Variants in CHCHD6 observed in about 807,000 individuals in gnomAD.
The protein encoded by CHCHD6 is MICOS complex subunit MIC25.
A neutral mutation model predicts 32.3 loss-of-function variants in CHCHD6; 28 were observed. That is an observed-to-expected ratio of 0.87 (90% CI 0.64 to 1.19). The LOEUF (loss-of-function observed/expected upper bound fraction) is 1.19. Ranked by LOEUF, CHCHD6 falls within the 50% of genes most tolerant of loss-of-function variation. The pLI is 0.00. For synonymous variants in CHCHD6, 122 were observed against 117.5 expected, an observed-to-expected ratio of 1.04 and a Z score of -0.25; for missense variants, 333 against 307.0, an observed-to-expected ratio of 1.08 and a Z score of -0.63.
intron 4 of CHCHD6, among the ~76,000 whole-genome samples, chr3:126,815,682 T>A (rs1414833454): frequency 2.9e-5 from 4 of 139,256 alleles, no homozygotes; most frequent in Non-Finnish European, 3.1e-5. Flanking sequence ...CCTTGCTCCC[T>A]TGAGCTCCTT....
At chr3:126,838,625 C>T (rs758605533) in intron 4 of CHCHD6, among the ~76,000 whole-genome samples, 65 of 152,270 alleles carry the variant, frequency 4.3e-4, no homozygotes, top group Non-Finnish European at 6.8e-4. Flanking sequence ...AAGGGAGGGA[C>T]GGATTCTTGG....
intron 5 of CHCHD6, among the ~76,000 whole-genome samples, chr3:126,892,572 G>A (rs901792417): frequency 1.3e-5 from 2 of 152,136 alleles, no homozygotes; most frequent in African/African-American, 2.4e-5. Context: ...CCCTCCTGGG[G>A]CACACAGGTC....
At chr3:126,910,799 A>G (rs1390706535) in intron 5 of CHCHD6, among the ~76,000 whole-genome samples, 3 of 152,136 alleles carry the variant, frequency 2.0e-5, no homozygotes, top group Non-Finnish European at 4.4e-5. Context: ...CTGAGGATCA[A>G]TGGAAAGATG....
intron 4 of CHCHD6, among the ~76,000 whole-genome samples, chr3:126,806,030 C>T (rs1939357838): frequency 6.6e-6 from 1 of 152,184 alleles, no homozygotes; most frequent in African/African-American, 2.4e-5. Context: ...CCCTTCCTTA[C>T]ACCTTATACA....
chr3:126,907,976 A>G (rs1036503277), intron 5 of CHCHD6, among the ~76,000 whole-genome samples: 7 of 152,180 alleles, frequency 4.6e-5, no homozygotes, highest in African/African-American at 1.2e-4. Context: ...TGTGACACCC[A>G]GAGTAGGACC....
At chr3:126,830,567 T>C (rs1940597446) in intron 4 of CHCHD6, among the ~76,000 whole-genome samples, 1 of 152,200 alleles carries the variant, frequency 6.6e-6, no homozygotes. Flanking sequence ...TCACCTTTCT[T>C]TGGGGTAGAA....
At chr3:126,754,840 T>G (rs1467305440) in intron 4 of CHCHD6, among the ~76,000 whole-genome samples, 1 of 152,216 alleles carries the variant, frequency 6.6e-6, no homozygotes, top group Non-Finnish European at 1.5e-5. Flanking sequence ...CCTTTGGTGC[T>G]TTGGCCTTTG....
intron 1 of CHCHD6, among the ~76,000 whole-genome samples, chr3:126,721,968 A>G (rs1576337517): frequency 6.6e-6 from 1 of 152,182 alleles, no homozygotes; most frequent in African/African-American, 2.4e-5. Context: ...GTATAGATAT[A>G]CTTCATTTTA....
chr3:126,858,983 C>T (rs1941761592), intron 5 of CHCHD6, among the ~76,000 whole-genome samples: 1 of 152,248 alleles, frequency 6.6e-6, no homozygotes, highest in African/African-American at 2.4e-5. Context: ...CATATTCTAG[C>T]ACTTGCCACA....
intron 4 of CHCHD6, among the ~76,000 whole-genome samples, chr3:126,793,110 C>T (rs1938629121): frequency 6.6e-6 from 1 of 151,948 alleles, no homozygotes; most frequent in Admixed American, 6.5e-5. Flanking sequence ...ATACTTTATT[C>T]TACCTACATA....
intron 4 of CHCHD6, among the ~76,000 whole-genome samples, chr3:126,735,174 GA>G (rs1273296497): frequency 1.3e-5 from 2 of 152,166 alleles, no homozygotes; most frequent in Non-Finnish European, 2.9e-5. Flanking sequence ...GCCTCCTCTA[GA>G]GGTGGAAGAT....
chr3:126,919,544 G>T (rs1333519707), intron 6 of CHCHD6, among the ~76,000 whole-genome samples: 4 of 150,470 alleles, frequency 2.7e-5, no homozygotes, highest in African/African-American at 9.7e-5. Flanking sequence ...TGAACTCCTG[G>T]CTTATGCAAT....
chr3:126,918,546 C>T (rs1340913936), intron 6 of CHCHD6, among the ~76,000 whole-genome samples: 1 of 152,116 alleles, frequency 6.6e-6, no homozygotes. Flanking sequence ...CAATGAGTGC[C>T]ATGAAAGAAA....
At chr3:126,759,853 A>T (rs1268936680) in intron 4 of CHCHD6, among the ~76,000 whole-genome samples, 2 of 152,176 alleles carry the variant, frequency 1.3e-5, no homozygotes, top group Admixed American at 1.3e-4. Flanking sequence ...TATAAAGAAG[A>T]GGTTTAATTG....
chr3:126,714,210 A>G (rs1384440443), intron 1 of CHCHD6, among the ~76,000 whole-genome samples: 3 of 151,700 alleles, frequency 2.0e-5, no homozygotes, highest in Admixed American at 6.6e-5. Flanking sequence ...AAGTGGCTAC[A>G]CTCTTCAGGT....
intron 5 of CHCHD6, among the ~76,000 whole-genome samples, chr3:126,873,235 C>G (rs943961097): frequency 6.6e-6 from 1 of 152,192 alleles, no homozygotes; most frequent in Non-Finnish European, 1.5e-5. Flanking sequence ...AGACCGCAGG[C>G]CTATTTGCTC....
intron 3 of CHCHD6, among the ~76,000 whole-genome samples, chr3:126,730,983 G>T (rs1476949994): frequency 1.3e-5 from 2 of 151,156 alleles, no homozygotes; most frequent in African/African-American, 4.9e-5. Flanking sequence ...GTGTGTGCCT[G>T]TGTAGTCCCA....
chr3:126,743,094 T>G (rs1330298406), intron 4 of CHCHD6, among the ~76,000 whole-genome samples: 1 of 152,104 alleles, frequency 6.6e-6, no homozygotes, highest in African/African-American at 2.4e-5. Flanking sequence ...CTAGCTGTTT[T>G]GAACCCTATG....
intron 5 of CHCHD6, among the ~76,000 whole-genome samples, chr3:126,885,516 G>A (rs1250703885): frequency 2.0e-5 from 3 of 152,158 alleles, no homozygotes; most frequent in Non-Finnish European, 4.4e-5. Flanking sequence ...TTCAAAATCA[G>A]TTGAATCACG....
Sources: allele counts gnomAD v4.1 joint callset (sites outside exome capture counted in the v4.1 genomes callset), GRCh38; gene constraint gnomAD v4.1.1; transcripts MANE v1.5; gene names NCBI Gene and HGNC (gene_info 2026-07-23, HGNC 2026-07-21).